TNRC6A: variants seen among roughly 807,000 people sequenced by gnomAD.
The protein encoded by TNRC6A is trinucleotide repeat-containing gene 6A protein.
Under a neutral mutation model 221.2 loss-of-function variants are expected in TNRC6A, and 44 were observed. The observed-to-expected ratio is 0.20, with a 90% confidence interval of 0.16 to 0.26. The LOEUF is 0.26. Among genes scored for constraint, TNRC6A ranks in the 10% least tolerant of loss-of-function variants. TNRC6A has a pLI of 1.00. For synonymous variants in TNRC6A, 847 were observed against 838.5 expected, an observed-to-expected ratio of 1.01 and a Z score of -0.18; for missense variants, 2,199 against 2,404.4, an observed-to-expected ratio of 0.91 and a Z score of 1.79.
chr16:24,650,149 G>A (rs1166627652), intron 2 of TNRC6A, among the ~76,000 whole-genome samples: 2 of 151,530 alleles, frequency 1.3e-5, no homozygotes, highest in African/African-American at 4.8e-5. Context: ...TACTATTCTT[G>A]TCATAGCACT....
At chr16:24,669,905 T>C (rs905436906) in intron 2 of TNRC6A, among the ~76,000 whole-genome samples, 4 of 149,360 alleles carry the variant, frequency 2.7e-5, no homozygotes, top group African/African-American at 9.8e-5. Flanking sequence ...ATGCATCCAC[T>C]CATTTTGTTC....
intron 1 of TNRC6A, among the ~76,000 whole-genome samples, chr16:24,620,142 A>C (rs74540774): frequency 1.5e-5 from 2 of 136,238 alleles, no homozygotes; most frequent in Non-Finnish European, 3.0e-5. Flanking sequence ...ACCCAGTTTC[A>C]AAAAAAAAAA....
intron 18 of TNRC6A, among the ~76,000 whole-genome samples, chr16:24,814,350 T>C (rs1334733250): frequency 4.6e-5 from 7 of 151,882 alleles, no homozygotes; most frequent in Admixed American, 4.6e-4. Context: ...GGAGGAGACT[T>C]GGTTTTCCCT....
chr16:24,676,042 C>T lies in TNRC6A; in HGVS notation n.402+35033C>T, dbSNP rs1049166607. On this transcript the variant is annotated intron_variant and non_coding_transcript_variant, in intron 2 of 2. Transcript: ENST00000566108. ...TGGAAAAGGAAGGGCTGGCAGCCTC[C>T]CAGAGACTGAAATAACCTCAAGAAT... Among the ~76,000 whole-genome samples, 5 of 151,792 alleles carry T rather than the reference C, an allele frequency of 3.3e-5. No homozygotes were observed. In the East Asian group the frequency reaches 9.7e-4, roughly 29 times the overall value.
In TNRC6A at chr16:24,669,941, C is replaced by CTTTTTT. The variant is rs535737725; in HGVS notation, n.402+28954_402+28959dup. Among the ~76,000 whole-genome samples, 23 of 27,188 alleles carry CTTTTTT rather than the reference C, an allele frequency of 8.5e-4. 8 individuals are homozygous for CTTTTTT. Among genetic ancestry groups the CTTTTTT allele is most frequent in the Non-Finnish European group, 1.1e-3 (16 of 15,102 alleles). 17.8% of individuals were successfully genotyped at this position (27,188 alleles called of 152,430 possible). ...TCGTTATGACCCTATGAGGCAGCTA[C>CTTTTTT]TTTTTTTTTTTTTTTTTTTTTTTTT... On this transcript the variant is annotated intron_variant and non_coding_transcript_variant, in intron 2 of 2. Transcript: ENST00000566108.
At chr16:24,777,385 T>C in intron 5 of TNRC6A, 27 bp downstream of exon 5, 1 of 1,585,320 alleles carries the variant, frequency 6.3e-7, no homozygotes, top group Non-Finnish European at 8.6e-7. Flanking sequence ...CTTACGAGAC[T>C]CACACCTTAT....
At chr16:24,758,414 T>G in intron 4 of TNRC6A, 54 bp downstream of exon 4, 1 of 1,579,562 alleles carries the variant, frequency 6.3e-7, no homozygotes, top group Non-Finnish European at 8.7e-7. Context: ...CAAGGTTGTT[T>G]ATGTGCATTT....
chr16:24,678,980 C>T (rs2055474718), intron 2 of TNRC6A, among the ~76,000 whole-genome samples: 1 of 148,700 alleles, frequency 6.7e-6, no homozygotes, highest in Admixed American at 7.0e-5. Context: ...ATGAAAAGAC[C>T]TTTAAAACAT....
chr16:24,650,035 G>C (rs147065750), intron 2 of TNRC6A, among the ~76,000 whole-genome samples: 4,262 of 151,580 alleles, frequency 0.028, 177 homozygotes, highest in African/African-American at 0.09. Flanking sequence ...TGTTGGCCAG[G>C]CTGGTCTCGA....
Position 24,793,490 on chromosome 16 carries a change from G to T in TNRC6A, c.3193G>T (p.Gly1065Trp). 6.7e-7 allele frequency: 1 copy of T among 1,498,810 alleles called. No individual in the cohort carries two copies. The highest frequency in any genetic ancestry group is 8.9e-7 in the Non-Finnish European group (1 of 1,117,774). 92.8% of individuals were successfully genotyped at this position (1,498,810 alleles called of 1,614,324 possible). A position where few individuals can be genotyped will look rare whatever the true frequency, so the allele number is the denominator to read the frequency against. ...SSGSGWGEPW[G>W]EPSTPATTVD... ...TTCTAAAGGCTGGGGTGAGCCCTGG[G>T]GGGAGCCTTCTACTCCAGCCACAAC... Residue 1065 changes from glycine to tryptophan, a missense_variant, in exon 7 of 25, where the codon GGG becomes TGG. By Grantham distance (184) the Gly-to-Trp change is radical. Around this residue, in one of 8 missense-constraint regions of TNRC6A, gnomAD observed 1,405 missense variants for 1,400.2 expected, o/e 1.00. Transcript: ENST00000395799.
intron 11 of TNRC6A, among the ~76,000 whole-genome samples, chr16:24,799,191 T>C (rs1035414276): frequency 2.6e-5 from 4 of 152,186 alleles, no homozygotes; most frequent in Non-Finnish European, 5.9e-5. Context: ...ACCTTCTATT[T>C]ACAAAATGTC....
chr16:24,709,315 G>T (rs1230440800), intron 2 of TNRC6A, among the ~76,000 whole-genome samples: 1 of 151,856 alleles, frequency 6.6e-6, no homozygotes, highest in Non-Finnish European at 1.5e-5. Context: ...TTTCCTTTGG[G>T]TAGATACCCA....
At chr16:24,802,532 G>C (rs1325674465) in intron 11 of TNRC6A, among the ~76,000 whole-genome samples, 1 of 152,286 alleles carries the variant, frequency 6.6e-6, no homozygotes, top group South Asian at 2.1e-4. Flanking sequence ...CTGGGCAGCA[G>C]AGCCAGACAC....
At chr16:24,622,240 A>G (rs1900711964) in intron 1 of TNRC6A, among the ~76,000 whole-genome samples, 1 of 152,130 alleles carries the variant, frequency 6.6e-6, no homozygotes. Context: ...GCAAGACTCT[A>G]TCCCTAAGAA....
chr16:24,811,310 G>A (rs1259121932), intron 18 of TNRC6A, among the ~76,000 whole-genome samples: 1 of 152,208 alleles, frequency 6.6e-6, no homozygotes, highest in Non-Finnish European at 1.5e-5. Flanking sequence ...TTACAGAAGG[G>A]TTAAACTGGA....
chr16:24,824,242 G>A lies in TNRC6A; in HGVS notation c.*435G>A, dbSNP rs1302768802. ...TCTCCGTCTCATCGGCAGTATGGGG[G>A]GCAGCTGTCCCAGTGTCAATGTTTA... On this transcript the variant is annotated 3_prime_UTR_variant, in exon 25 of 25. Coordinates refer to ENST00000395799, the MANE Select transcript of TNRC6A (RefSeq NM_014494.4). 2 of 151,062 alleles carry A rather than the reference G, an allele frequency of 1.3e-5. No homozygotes were observed. Among genetic ancestry groups the A allele is most frequent in the Non-Finnish European group, 2.9e-5 (2 of 68,228 alleles). 9.4% of individuals were successfully genotyped at this position (151,062 alleles called of 1,614,324 possible). A position where few individuals can be genotyped will look rare whatever the true frequency, so the allele number is the denominator to read the frequency against.
Position 24,680,479 on chromosome 16 carries a change from G to A in TNRC6A, n.402+39470G>A, listed in dbSNP as rs369044141. Among the ~76,000 whole-genome samples, 45 of 151,886 alleles carry A rather than the reference G, an allele frequency of 3.0e-4. 1 individual carries two copies. Among genetic ancestry groups the A allele is most frequent in the African/African-American group, 1.0e-3 (42 of 41,448 alleles). ...TCACACCTGTAATCCCAACAGTTTG[G>A]GAGGTCGAGGCAGGCAGATCATGAG... On this transcript the variant is annotated intron_variant and non_coding_transcript_variant, in intron 2 of 2. Transcript: ENST00000566108.
chr16:24,794,606 A>C lies in TNRC6A; in HGVS notation c.3415A>C (p.Thr1139Pro), dbSNP rs745877759. The C allele has an allele frequency of 8.7e-6, 14 of 1,613,954 alleles. No individual in the cohort carries two copies. In the Admixed American group the frequency reaches 2.3e-4, roughly 27 times the overall value. Residue 1139 changes from threonine to proline, a missense_variant, in exon 8 of 25, where the codon ACT becomes CCT. Coordinates refer to ENST00000395799, the MANE Select transcript of TNRC6A (RefSeq NM_014494.4). ...TATGCCATTGCCTGGAAATCGCCCC[A>C]CTGGCTGGGAAGAGGAAGAGGATGT... The part of the protein sequence containing the change: ...DDMPLPGNRP[T>P]GWEEEEDVEI...
At chr16:24,793,157 A>C (rs2058145853) in intron 6 of TNRC6A, among the ~76,000 whole-genome samples, 1 of 152,204 alleles carries the variant, frequency 6.6e-6, no homozygotes, top group African/African-American at 2.4e-5. Context: ...TTTGGTTTAG[A>C]ATGACTTGAC....
Sources: gnomAD v4.1 joint callset for allele counts (sites outside exome capture counted in the v4.1 genomes callset) on GRCh38, gnomAD v4.1.1 for gene constraint, gnomAD v4.1.1 regional missense constraint, MANE v1.5 for transcripts, NCBI Gene and HGNC (gene_info 2026-07-23, HGNC 2026-07-21) for gene names.